The following LYST variants were observed in gnomAD, a reference collection of about 807,000 sequenced individuals.
The protein encoded by LYST is lysosomal-trafficking regulator.
In LYST, 192 loss-of-function variants were observed where a neutral mutation model predicts 413.6. The observed-to-expected ratio is 0.46, with a 90% CI of 0.41 to 0.52. The LOEUF is 0.52. Ranked by LOEUF, LYST falls within the 20% of genes least tolerant of loss-of-function variation. The probability of loss-of-function intolerance (pLI) is 0.00; values close to 1 mark genes in which losing one functional copy is unlikely to be tolerated. For missense variants in LYST, 3,815 were observed against 4,499.9 expected (o/e 0.85, Z 4.35); for synonymous variants, 1,525 against 1,567.3 (o/e 0.97, Z 0.64).
chr1:235,775,011 G>A lies in LYST; in HGVS notation c.5536C>T (p.Gln1846Ter). The A allele has an allele frequency of 6.2e-7, 1 of 1,609,766 alleles. No homozygotes were observed. The highest frequency in any genetic ancestry group is 8.5e-7 in the Non-Finnish European group (1 of 1,177,222). Residue 1846 changes from glutamine (Q) to a stop codon, truncating the protein, a stop_gained, in exon 18 of 53, where the codon CAA becomes TAA. Transcript: ENST00000389793. LOFTEE classifies it high-confidence loss of function. The stretch of plus-strand genomic sequence containing the variant: ...TTTTCTAATTCATGTACTCTTTGTT[G>A]GTTGTATTTAATTAATGAGAGTATA... ...RVILSLIKYN[Q>*]QRVHELENCN...
chr1:235,774,372 A>G (rs2103439868), intron 18 of LYST, among the ~76,000 whole-genome samples: 1 of 152,376 alleles, frequency 6.6e-6, no homozygotes, highest in South Asian at 2.1e-4. Context: ...GGGTAGAGCA[A>G]TCGTCTTTTG....
chr1:235,778,125 T>TC (rs1669493799), intron 16 of LYST, among the ~76,000 whole-genome samples: 1 of 132,110 alleles, frequency 7.6e-6, no homozygotes, highest in Non-Finnish European at 1.5e-5. Context: ...ATATATATTT[T>TC]TGTAGAGACA....
intron 3 of LYST, among the ~76,000 whole-genome samples, chr1:235,823,129 TTCAA>T (rs1674945532): frequency 6.6e-6 from 1 of 150,690 alleles, no homozygotes; most frequent in African/African-American, 2.5e-5. Context: ...TATTCATTGC[TTCAA>T]TCAGTCTGGG....
At position 235,808,969 on chromosome 1, in the gene LYST, T is replaced by C. The variant is rs554748468; in HGVS notation, c.1849A>G (p.Lys617Glu). ...CCTCCTAACTGATCCAAAATAAGTT[T>C]GTTAAGGATATTCAATATATGCTGC... ...FQQHILNILN[K>E]LILDQLGGAE... The change falls in exon 5 of 53, where the codon AAA becomes GAA. Residue 617 changes from lysine to glutamate, a missense_variant. Lys to Glu is a moderately conservative substitution (Grantham distance 56). Coordinates refer to ENST00000389793, the MANE Select transcript of LYST (RefSeq NM_000081.4). 4 of 1,613,972 alleles carry C rather than the reference T, an allele frequency of 2.5e-6. No homozygotes were observed. In the Admixed American group the frequency reaches 5.0e-5, roughly 20 times the overall value.
At chr1:235,762,575 T>C (rs1033284931) in intron 22 of LYST, 145 bp downstream of exon 22, 1 of 747,366 alleles carries the variant, frequency 1.3e-6, no homozygotes, top group African/African-American at 1.7e-5. Flanking sequence ...ATTTTCTCAA[T>C]GCTCTTGAGG....
chr1:235,843,541 T>C (rs1474436396), intron 1 of LYST, among the ~76,000 whole-genome samples: 2 of 152,182 alleles, frequency 1.3e-5, no homozygotes, highest in Non-Finnish European at 2.9e-5. Flanking sequence ...TATAGCTCTA[T>C]GTAAATGCTC....
intron 5 of LYST, 141 bp from the exon 6 acceptor site, chr1:235,806,913 A>G (rs1672908478): frequency 1.5e-5 from 10 of 662,170 alleles, no homozygotes; most frequent in South Asian, 1.1e-4. Flanking sequence ...TTATCAGGCT[A>G]AAGTTCTTAG....
At chr1:235,691,767 G>C (rs1660676424) in intron 47 of LYST, among the ~76,000 whole-genome samples, 1 of 144,360 alleles carries the variant, frequency 6.9e-6, no homozygotes, top group African/African-American at 2.6e-5. Context: ...CACGATCTCA[G>C]CTCACTGCAA....
intron 16 of LYST, among the ~76,000 whole-genome samples, chr1:235,780,491 T>C (rs1457380150): frequency 6.6e-6 from 1 of 152,088 alleles, no homozygotes; most frequent in African/African-American, 2.4e-5. Flanking sequence ...ATGGATATTA[T>C]TTATTTATAA....
intron 31 of LYST, 118 bp downstream of exon 31, chr1:235,741,304 A>G (rs902085286): frequency 3.2e-6 from 3 of 943,176 alleles, no homozygotes; most frequent in Non-Finnish European, 5.0e-6. Flanking sequence ...TTTGCTTGGT[A>G]AGAAAATTAT....
chr1:235,862,498 G>A (rs990744418), intron 1 of LYST, among the ~76,000 whole-genome samples: 1 of 152,094 alleles, frequency 6.6e-6, no homozygotes, highest in Admixed American at 6.6e-5. Context: ...GGGGATCTTA[G>A]AACATATCTC....
In LYST at chr1:235,794,959, G is replaced by A. The variant is rs116635603; in HGVS notation, c.4007-1347C>T. ...CATTAAAGTACAGAATTATAAGAAG[G>A]AAGAAATCCGTAACAGCAAAAATAT... is the stretch of plus-strand genomic sequence containing the variant. On this transcript the variant is annotated intron_variant, in intron 10 of 52. Transcript: ENST00000389793. Among the ~76,000 whole-genome samples, 447 of 152,104 alleles carry A rather than the reference G, an allele frequency of 2.9e-3. 4 individuals carry two copies. Among genetic ancestry groups the A allele is most frequent in the African/African-American group, 0.01 (425 of 41,474 alleles).
At chr1:235,716,179 C>T (rs1662822943) in intron 41 of LYST, among the ~76,000 whole-genome samples, 1 of 152,178 alleles carries the variant, frequency 6.6e-6, no homozygotes, top group African/African-American at 2.4e-5. Flanking sequence ...TGTCTTGATA[C>T]TCGTGAAGAA....
At chr1:235,755,006 C>T (rs1246411836) in intron 25 of LYST, among the ~76,000 whole-genome samples, 1 of 130,542 alleles carries the variant, frequency 7.7e-6, no homozygotes, top group Non-Finnish European at 1.6e-5. Flanking sequence ...TCTAGGAGTT[C>T]AAGGCTGCAA....
Position 235,747,379 on chromosome 1 carries a change from C to T in LYST, c.7781-852G>A, listed in dbSNP as rs1028908205. ...ATATATCAATTTCTATAAATAACCT[C>T]TACAAAAATTACTTACATATGACTA... is the stretch of plus-strand genomic sequence containing the variant. On this transcript the variant is annotated intron_variant, in intron 28 of 52. Coordinates refer to ENST00000389793, the MANE Select transcript of LYST (RefSeq NM_000081.4). 1.6e-5 allele frequency: 5 copies of T among 310,422 alleles called. No homozygotes were observed. The Admixed American group carries it at 1.9e-4, about 12-fold the overall frequency. 19.2% of individuals were successfully genotyped at this position (310,422 alleles called of 1,614,324 possible).
At chr1:235,690,645 C>A (rs1171765760) in intron 47 of LYST, among the ~76,000 whole-genome samples, 1 of 152,144 alleles carries the variant, frequency 6.6e-6, no homozygotes, top group Non-Finnish European at 1.5e-5. Flanking sequence ...GAGGGTTATG[C>A]AAACAAGGCA....
intron 17 of LYST, among the ~76,000 whole-genome samples, chr1:235,776,143 G>C (rs1355388235): frequency 6.6e-6 from 1 of 151,956 alleles, no homozygotes; most frequent in Non-Finnish European, 1.5e-5. Flanking sequence ...AGGAGTTAAA[G>C]GGCTTTTAAT....
rs1346783270 is a variant in LYST, at chr1:235,752,054, A to C, written c.7578T>G (p.Leu2526=). Residue 2526 remains leucine (L), a synonymous_variant, in exon 27 of 53, where the codon CTT becomes CTG. Transcript: ENST00000389793. The stretch of plus-strand genomic sequence containing the variant: ...TTTGAAGATATCCAAGCATTACAAT[A>C]AGGTCTTCAATAACCCTAAAATATT... ...GSQYFRVIED[L]IVMLGYLQNS... 1 of 1,610,098 alleles carries C rather than the reference A, an allele frequency of 6.2e-7. No individual in the cohort carries two copies. The highest frequency in any genetic ancestry group is 1.1e-5 in the South Asian group (1 of 90,930).
In LYST at chr1:235,746,425, TG is replaced by T; in HGVS notation, c.7882del (p.Gln2628LysfsTer22). 1 of 1,614,000 alleles carries T rather than the reference TG, an allele frequency of 6.2e-7. No homozygotes were observed. Among genetic ancestry groups the T allele is most frequent in the Non-Finnish European group, 8.5e-7 (1 of 1,179,912 alleles). ...TTCAGTTGCTTGGCTAGGGTTCTCT[TG>T]GCTCATTCTCCGTTGCATCATCACA... ...LHVMMQRRMS[Q>X]ENPSQATETE... On this transcript the variant is annotated frameshift_variant, in exon 29 of 53. Coordinates refer to ENST00000389793, the MANE Select transcript of LYST (RefSeq NM_000081.4). LOFTEE classifies it high-confidence loss of function.
Sources: allele counts gnomAD v4.1 joint callset (sites outside exome capture counted in the v4.1 genomes callset), GRCh38; gene constraint gnomAD v4.1.1; transcripts MANE v1.5; gene names NCBI Gene and HGNC (gene_info 2026-07-23, HGNC 2026-07-21).